The following EML4 variants were observed in gnomAD, a reference collection of about 807,000 sequenced individuals.
The protein encoded by EML4 is echinoderm microtubule-associated protein-like 4.
Under a neutral mutation model 129.0 loss-of-function variants are expected in EML4, and 72 were observed. The observed-to-expected ratio is 0.56, with a 90% CI of 0.46 to 0.68. The LOEUF is 0.68. Ranked by LOEUF, EML4 falls within the 30% of genes least tolerant of loss-of-function variation. The pLI, the probability that EML4 is intolerant of heterozygous loss-of-function variation, is 0.00. For synonymous variants in EML4, 532 were observed against 405.0 expected (o/e 1.31, Z -3.77); for missense variants, 1,363 against 1,190.6 (o/e 1.14, Z -2.13).
At chr2:42,245,818 T>C (rs1380305901) in intron 2 of EML4, 131 bp downstream of exon 2, 3 of 846,702 alleles carry the variant, frequency 3.5e-6, no homozygotes, top group Non-Finnish European at 5.1e-6. Context: ...ATTTCGTTTT[T>C]TTAATTCCCA....
intron 17 of EML4, among the ~76,000 whole-genome samples, chr2:42,312,204 T>C (rs1051028336): frequency 1.3e-5 from 2 of 152,166 alleles, no homozygotes; most frequent in African/African-American, 4.8e-5. Flanking sequence ...TACTAAAATT[T>C]ATGAATGTGT....
intron 1 of EML4, among the ~76,000 whole-genome samples, chr2:42,240,560 A>T (rs570167600): frequency 1.3e-5 from 2 of 152,272 alleles, no homozygotes; most frequent in African/African-American, 4.8e-5. Flanking sequence ...GATTTTTCAA[A>T]TTTTTAGCTT....
Position 42,283,806 on chromosome 2 carries a change from ACTACTG to A in EML4, c.942-827_942-822del, listed in dbSNP as rs1667144280. Among the ~76,000 whole-genome samples the A allele has an allele frequency of 2.0e-5, 3 of 152,152 alleles. 1 individual carries two copies. The highest frequency in any genetic ancestry group is 2.0e-4 in the Admixed American group (3 of 15,266). On this transcript the variant is annotated intron_variant, in intron 8 of 22. Coordinates refer to ENST00000318522, the MANE Select transcript of EML4 (RefSeq NM_019063.5). The stretch of plus-strand genomic sequence containing the variant: ...CAGCCTAAGTATTTTTCAGTTGGGG[ACTACTG>A]GTGAGGTTGTAGTGTACCTATAGGT...
intron 1 of EML4, among the ~76,000 whole-genome samples, chr2:42,239,388 C>A: frequency 6.6e-6 from 1 of 152,164 alleles, no homozygotes; most frequent in Non-Finnish European, 1.5e-5. Context: ...AAAAAATTAA[C>A]TGTGATTCAG....
intron 19 of EML4, among the ~76,000 whole-genome samples, chr2:42,320,638 A>T (rs1175413780): frequency 6.6e-6 from 1 of 152,210 alleles, no homozygotes; most frequent in Non-Finnish European, 1.5e-5. Context: ...AAATTCAAAA[A>T]TAGTTTTACA....
chr2:42,207,359 G>A (rs375544015), intron 1 of EML4, among the ~76,000 whole-genome samples: 1 of 152,110 alleles, frequency 6.6e-6, no homozygotes, highest in Non-Finnish European at 1.5e-5. Flanking sequence ...AATGTAACTA[G>A]TACCTTAAGG....
At chr2:42,262,920 A>T (rs922087485) in intron 4 of EML4, among the ~76,000 whole-genome samples, 8 of 152,206 alleles carry the variant, frequency 5.3e-5, no homozygotes, top group African/African-American at 1.9e-4. Context: ...TTTTCTGTTA[A>T]CAAAAGTGTT....
At chr2:42,220,371 T>A (rs6544521) in intron 1 of EML4, among the ~76,000 whole-genome samples, 86,326 of 151,646 alleles carry the variant, frequency 0.57, 25,019 homozygotes, top group East Asian at 0.74. Context: ...TCACAGTATT[T>A]CAAACTTTTT....
intron 1 of EML4, among the ~76,000 whole-genome samples, chr2:42,179,869 G>A (rs1259877948): frequency 6.6e-6 from 1 of 152,174 alleles, no homozygotes; most frequent in Non-Finnish European, 1.5e-5. Flanking sequence ...CCAAAGTGCT[G>A]GGATTACAGG....
Position 42,330,358 on chromosome 2 carries a change from C to A in EML4, c.*151C>A, listed in dbSNP as rs563619888. On this transcript the variant is annotated 3_prime_UTR_variant, in exon 23 of 23. Transcript: ENST00000318522. ...TTTCTTCAATAGTCTTATTTTCAGT[C>A]TCTCAAATACAGCCAACTTAAAGTT... 1 of 743,758 alleles carries A rather than the reference C, an allele frequency of 1.3e-6. No homozygotes were observed. The highest frequency in any genetic ancestry group is 1.7e-5 in the African/African-American group (1 of 57,876). The allele number at this position is 743,758 out of a possible 1,614,324, so 46.1% of individuals were successfully genotyped here.
intron 1 of EML4, among the ~76,000 whole-genome samples, chr2:42,216,677 T>C (rs956100096): frequency 7.2e-5 from 11 of 152,250 alleles, no homozygotes; most frequent in Non-Finnish European, 1.6e-4. Context: ...AAACATGTTT[T>C]GAATGTGTGA....
At chr2:42,282,007 T>C (rs570510209) in intron 7 of EML4, among the ~76,000 whole-genome samples, 2 of 152,320 alleles carry the variant, frequency 1.3e-5, no homozygotes, top group Admixed American at 6.5e-5. Flanking sequence ...TGTTCCTTGC[T>C]ATTACTTATT....
At chr2:42,310,096 C>G (rs570394640) in intron 17 of EML4, among the ~76,000 whole-genome samples, 5 of 152,244 alleles carry the variant, frequency 3.3e-5, no homozygotes, top group African/African-American at 1.2e-4. Flanking sequence ...ACTTCTCTTT[C>G]TCCATTGAAT....
At chr2:42,246,012 A>G (rs747328540) in intron 2 of EML4, among the ~76,000 whole-genome samples, 4 of 152,230 alleles carry the variant, frequency 2.6e-5, no homozygotes, top group Admixed American at 6.5e-5. Flanking sequence ...CATATTGAAC[A>G]TAGGTGGTAG....
intron 19 of EML4, among the ~76,000 whole-genome samples, chr2:42,320,332 A>G (rs976118230): frequency 1.3e-5 from 2 of 151,968 alleles, no homozygotes; most frequent in African/African-American, 4.8e-5. Flanking sequence ...GTATTTTAAA[A>G]AAAAAAAAAA....
At chr2:42,263,551 C>T (rs1465941012) in intron 5 of EML4, among the ~76,000 whole-genome samples, 1 of 149,164 alleles carries the variant, frequency 6.7e-6, no homozygotes, top group African/African-American at 2.5e-5. Context: ...ACTATAGGCA[C>T]GTGCCACCAT....
chr2:42,287,725 T>C (rs1011792574), intron 10 of EML4, among the ~76,000 whole-genome samples: 2 of 152,208 alleles, frequency 1.3e-5, no homozygotes, highest in Admixed American at 1.3e-4. Context: ...CTTAGGTTGT[T>C]TATTCAAGTT....
At chr2:42,329,165 C>A in intron 22 of EML4, 149 bp downstream of exon 22, 2 of 687,610 alleles carry the variant, frequency 2.9e-6, no homozygotes, top group Non-Finnish European at 4.5e-6. Flanking sequence ...AGCATCCATC[C>A]AGGCAGTGCT....
intron 17 of EML4, among the ~76,000 whole-genome samples, chr2:42,311,942 T>G (rs1668976679): frequency 6.6e-6 from 1 of 152,184 alleles, no homozygotes; most frequent in Non-Finnish European, 1.5e-5. Context: ...ATTCCTGTGT[T>G]CAAGCAATCC....
Sources: gnomAD v4.1 joint callset for allele counts (sites outside exome capture counted in the v4.1 genomes callset) on GRCh38, gnomAD v4.1.1 for gene constraint, MANE v1.5 for transcripts, NCBI Gene and HGNC (gene_info 2026-07-23, HGNC 2026-07-21) for gene names.